The following DGKI variants were observed in gnomAD, a reference collection of about 807,000 sequenced individuals.
DGKI encodes diacylglycerol kinase iota.
A neutral mutation model predicts 147.5 loss-of-function variants in DGKI; 55 were observed. That is an observed-to-expected ratio of 0.37 (90% CI 0.30 to 0.47). The LOEUF is 0.47. Ranked by LOEUF, DGKI falls within the 20% of genes least tolerant of loss-of-function variation. The pLI is 1.00. For synonymous variants in DGKI, 469 were observed against 477.1 expected, an observed-to-expected ratio of 0.98 and a Z score of 0.22; for missense variants, 1,007 against 1,323.8, an observed-to-expected ratio of 0.76 and a Z score of 3.71.
In DGKI at chr7:137,623,472, C is replaced by T; in HGVS notation, c.876+11G>A. 1.9e-6 allele frequency: 3 copies of T among 1,612,968 alleles called. No homozygotes were observed. The highest frequency in any genetic ancestry group is 2.5e-6 in the Non-Finnish European group (3 of 1,178,988). ...ATGAGCCCACATTGCTTTATTTCATCCCAATCTTACCGCCTGCTTGCACCA... is the reference window on the plus strand; with the variant it reads ...ATGAGCCCACATTGCTTTATTTCATTCCAATCTTACCGCCTGCTTGCACCA... On this transcript the variant is annotated intron_variant, in intron 7 of 32. Transcript: ENST00000614521.
chr7:137,591,600 T>C (rs1030056231), intron 12 of DGKI, among the ~76,000 whole-genome samples: 11 of 152,128 alleles, frequency 7.2e-5, no homozygotes, highest in African/African-American at 2.7e-4. Flanking sequence ...CCACCACAAA[T>C]TGGCTGGGTG....
rs185724167 is a variant in DGKI, at chr7:137,425,770, G to A, written c.2762-13563C>T. Among the ~76,000 whole-genome samples, 866 of 152,308 alleles carry A rather than the reference G, an allele frequency of 5.7e-3. 9 individuals carry two copies. Among genetic ancestry groups the A allele is most frequent in the African/African-American group, 0.02 (820 of 41,564 alleles). On this transcript the variant is annotated intron_variant, in intron 28 of 32. Coordinates refer to ENST00000614521, the MANE Select transcript of DGKI (RefSeq NM_001321708.2). Reference sequence around the variant, plus strand: ...GAAGAATCCAGAAGCCTCGGGAGCCGATGCGATCAACTGGAAGAAAGGGTA... The same window carrying A: ...GAAGAATCCAGAAGCCTCGGGAGCCAATGCGATCAACTGGAAGAAAGGGTA...
At position 137,382,247 on chromosome 7, in the gene DGKI, G is replaced by C. The variant is rs893836668; in HGVS notation, c.*8973C>G. The stretch of plus-strand genomic sequence containing the variant: ...AACATATATCTATCATTTTTAAGAG[G>C]AAAATGTATATTTAAACCCAAAATA... On this transcript the variant is annotated 3_prime_UTR_variant, in exon 33 of 33. Coordinates refer to ENST00000614521, the MANE Select transcript of DGKI (RefSeq NM_001321708.2). The C allele has an allele frequency of 2.0e-5, 3 of 152,022 alleles. No individual in the cohort carries two copies. The highest frequency in any genetic ancestry group is 7.2e-5 in the African/African-American group (3 of 41,398). 9.4% of individuals were successfully genotyped at this position (152,022 alleles called of 1,614,324 possible).
intron 11 of DGKI, among the ~76,000 whole-genome samples, chr7:137,599,344 G>T (rs537754742): frequency 1.3e-5 from 2 of 152,162 alleles, no homozygotes; most frequent in Non-Finnish European, 2.9e-5. Context: ...TTTGTGCAGA[G>T]TCCTCAGGTA....
intron 6 of DGKI, among the ~76,000 whole-genome samples, chr7:137,641,899 C>T (rs1006602810): frequency 6.6e-6 from 1 of 152,108 alleles, no homozygotes; most frequent in Non-Finnish European, 1.5e-5. Context: ...TGTTTGCTTC[C>T]CTCAAAAAAT....
chr7:137,690,141 T>C, intron 1 of DGKI, 139 bp from the exon 2 acceptor site: 1 of 606,856 alleles, frequency 1.6e-6, no homozygotes, highest in Non-Finnish European at 2.8e-6. Flanking sequence ...ACCAAAGTAT[T>C]GGAATATACC....
At chr7:137,419,579 A>C (rs1346538585) in intron 28 of DGKI, among the ~76,000 whole-genome samples, 1 of 152,242 alleles carries the variant, frequency 6.6e-6, no homozygotes, top group Non-Finnish European at 1.5e-5. Flanking sequence ...AACACAGCAA[A>C]GGTAATCTAA....
At chr7:137,691,115 T>C (rs564355691) in intron 1 of DGKI, among the ~76,000 whole-genome samples, 2 of 152,248 alleles carry the variant, frequency 1.3e-5, no homozygotes, top group South Asian at 4.2e-4. Context: ...CCTGAATCAG[T>C]TGGAGGGTGA....
At chr7:137,767,470 G>GA (rs1192106518) in intron 1 of DGKI, among the ~76,000 whole-genome samples, 15 of 141,106 alleles carry the variant, frequency 1.1e-4, no homozygotes, top group African/African-American at 1.4e-4. Flanking sequence ...GAGAAGAGAA[G>GA]GGAAGAGAAG....
chr7:137,752,019 A>G (rs917903746), intron 1 of DGKI, among the ~76,000 whole-genome samples: 3 of 152,246 alleles, frequency 2.0e-5, no homozygotes, highest in Non-Finnish European at 4.4e-5. Context: ...CTGTGTACCC[A>G]AATACATAAC....
chr7:137,540,887 A>C (rs1441014901), intron 20 of DGKI, among the ~76,000 whole-genome samples: 3 of 151,924 alleles, frequency 2.0e-5, no homozygotes, highest in Admixed American at 6.6e-5. Flanking sequence ...ATGATGGACA[A>C]ATAAAATAAA....
At chr7:137,767,481 A>AG (rs1399912968) in intron 1 of DGKI, among the ~76,000 whole-genome samples, 21 of 134,580 alleles carry the variant, frequency 1.6e-4, no homozygotes, top group African/African-American at 5.1e-4. Context: ...GGAAGAGAAG[A>AG]GAAGAGAAGA....
intron 21 of DGKI, among the ~76,000 whole-genome samples, chr7:137,519,597 C>G (rs1459314170): frequency 2.6e-5 from 4 of 151,970 alleles, no homozygotes; most frequent in Admixed American, 6.6e-5. Flanking sequence ...ATTAATGCTT[C>G]TGAAATAACA....
chr7:137,742,035 A>C (rs1468060080), intron 1 of DGKI, among the ~76,000 whole-genome samples: 1 of 152,248 alleles, frequency 6.6e-6, no homozygotes, highest in Non-Finnish European at 1.5e-5. Flanking sequence ...CCTGACTCCT[A>C]GTTTCTCCAA....
chr7:137,663,760 T>A (rs1254051123), intron 3 of DGKI, among the ~76,000 whole-genome samples: 1 of 152,120 alleles, frequency 6.6e-6, no homozygotes, highest in Non-Finnish European at 1.5e-5. Flanking sequence ...GGTTCAAAAT[T>A]ACAGAGTTAC....
At chr7:137,393,334 C>G (rs752222212) in intron 32 of DGKI, among the ~76,000 whole-genome samples, 46 of 152,198 alleles carry the variant, frequency 3.0e-4, no homozygotes, top group Admixed American at 7.2e-4. Flanking sequence ...AAAAAGCAGA[C>G]CTGCTCAAGA....
chr7:137,767,471 G>GAAGAGAAGA (rs1796046296), intron 1 of DGKI, among the ~76,000 whole-genome samples: 1 of 89,614 alleles, frequency 1.1e-5, no homozygotes. Flanking sequence ...AGAAGAGAAG[G>GAAGAGAAGA]GAAGAGAAGA....
intron 3 of DGKI, among the ~76,000 whole-genome samples, chr7:137,670,762 T>C (rs1822815433): frequency 6.6e-6 from 1 of 152,156 alleles, no homozygotes; most frequent in Admixed American, 6.6e-5. Flanking sequence ...GCCACACACG[T>C]GGTTCCCTCT....
At chr7:137,597,746 G>T in intron 12 of DGKI, 101 bp downstream of exon 12, 1 of 1,069,850 alleles carries the variant, frequency 9.3e-7, no homozygotes, top group South Asian at 1.3e-5. Context: ...ACATGTGTTA[G>T]GGGATTAGAA....
Sources: gnomAD v4.1 joint callset for allele counts (sites outside exome capture counted in the v4.1 genomes callset) on GRCh38, gnomAD v4.1.1 for gene constraint, MANE v1.5 for transcripts, NCBI Gene and HGNC (gene_info 2026-07-23, HGNC 2026-07-21) for gene names.